SORCS2: variants seen among roughly 807,000 people sequenced by gnomAD.
SORCS2 encodes the protein VPS10 domain-containing receptor SorCS2.
SORCS2 carries 100 observed loss-of-function variants against 141.6 expected under a neutral mutation model. The ratio of observed to expected loss-of-function variants is 0.71; its 90% CI spans 0.60 to 0.83. The LOEUF (loss-of-function observed/expected upper bound fraction) is 0.83. SORCS2 is among the 40% of genes least tolerant of loss of function. The pLI is 0.00. For missense variants in SORCS2, 1,646 were observed against 1,560.2 expected (o/e 1.05, Z -0.93); for synonymous variants, 789 against 676.9 (o/e 1.17, Z -2.57).
intron 1 of SORCS2, among the ~76,000 whole-genome samples, chr4:7,325,686 C>T (rs1219549312): frequency 1.3e-5 from 2 of 152,218 alleles, no homozygotes; most frequent in Non-Finnish European, 2.9e-5. Context: ...CTTGGCAGGG[C>T]TTTTCCAGGC....
At chr4:7,475,296 G>A (rs143256539) in intron 2 of SORCS2, among the ~76,000 whole-genome samples, 141 of 152,294 alleles carry the variant, frequency 9.3e-4, no homozygotes, top group Middle Eastern at 6.8e-3. Context: ...GGACTATGGA[G>A]AGCTGGTCAT....
chr4:7,650,782 T>G lies in SORCS2; in HGVS notation c.814-3352T>G, dbSNP rs377584961. ...CCAGCCCAGCCCAGCCCAGCCTGCC[T>G]CCTCCATCAGCTGCACCTGTGAGGC... is the stretch of plus-strand genomic sequence containing the variant. On this transcript the variant is annotated intron_variant, in intron 4 of 26. Coordinates refer to ENST00000507866, the MANE Select transcript of SORCS2 (RefSeq NM_020777.3). 8.2e-4 allele frequency among the ~76,000 whole-genome samples: 78 copies of G among 95,664 alleles called. 1 individual carries two copies. In the East Asian group the frequency reaches 0.027, roughly 33 times the overall value. 62.8% of individuals were successfully genotyped at this position (95,664 alleles called of 152,430 possible).
chr4:7,571,217 C>A (rs1397004877), intron 3 of SORCS2, among the ~76,000 whole-genome samples: 4 of 152,194 alleles, frequency 2.6e-5, no homozygotes, highest in Admixed American at 2.6e-4. Context: ...GCGCATCGCC[C>A]CTGGGCCAAG....
intron 11 of SORCS2, among the ~76,000 whole-genome samples, chr4:7,690,436 G>A (rs1724162488): frequency 1.3e-5 from 2 of 151,140 alleles, no homozygotes; most frequent in Non-Finnish European, 3.0e-5. Flanking sequence ...GTGGGTGGGT[G>A]GATGGATGGA....
rs1404125379 is a variant in SORCS2 at position 7,740,072 on chromosome 4, A to G, written c.3416-128A>G. ...AGACCCCCTGCACCTGCACGGGCTG[A>G]AGGAAGCCAGGGAGGCCCACTGCAC... On this transcript the variant is annotated intron_variant, in intron 26 of 26. Transcript: ENST00000507866. 9.5e-6 allele frequency: 7 copies of G among 738,778 alleles called. No homozygotes were observed. In the Admixed American group the frequency reaches 1.5e-4, roughly 15 times the overall value. 45.8% of individuals were successfully genotyped at this position (738,778 alleles called of 1,614,324 possible).
At chr4:7,555,473 A>T (rs992973759) in intron 3 of SORCS2, among the ~76,000 whole-genome samples, 2 of 152,214 alleles carry the variant, frequency 1.3e-5, no homozygotes, top group African/African-American at 2.4e-5. Flanking sequence ...TCTGAGACAC[A>T]GCCCAGGCTG....
chr4:7,229,410 C>A (rs535534803), intron 1 of SORCS2, among the ~76,000 whole-genome samples: 1 of 152,214 alleles, frequency 6.6e-6, no homozygotes, highest in African/African-American at 2.4e-5. Context: ...AGGACTCCAT[C>A]CTCTTCCCTT....
chr4:7,632,287 C>CA (rs1719942611), intron 3 of SORCS2, among the ~76,000 whole-genome samples: 1 of 152,134 alleles, frequency 6.6e-6, no homozygotes. Context: ...TCTCTAATTT[C>CA]AAAAAACCAG....
At chr4:7,608,868 C>T (rs1439702033) in intron 3 of SORCS2, among the ~76,000 whole-genome samples, 1 of 152,076 alleles carries the variant, frequency 6.6e-6, no homozygotes, top group East Asian at 1.9e-4. Context: ...ACAGTCCTGC[C>T]CTCAGGGAGC....
At chr4:7,733,700 G>C (rs564957268) in intron 24 of SORCS2, among the ~76,000 whole-genome samples, 7 of 152,332 alleles carry the variant, frequency 4.6e-5, no homozygotes, top group African/African-American at 1.7e-4. Flanking sequence ...TCGGCTGTCA[G>C]TCATCCTTTC....
In SORCS2 at chr4:7,330,188, G is replaced by A. The variant is rs1407884099; in HGVS notation, c.481-66100G>A. On this transcript the variant is annotated intron_variant, in intron 1 of 26. Coordinates refer to ENST00000507866, the MANE Select transcript of SORCS2 (RefSeq NM_020777.3). Reference sequence around the variant, plus strand: ...TCTTCCTCCTGCTCTACAGGGACACGTGTGATTGCATTAGGGCCATCTGGA... The same window carrying A: ...TCTTCCTCCTGCTCTACAGGGACACATGTGATTGCATTAGGGCCATCTGGA... 5.9e-5 allele frequency among the ~76,000 whole-genome samples: 9 copies of A among 151,774 alleles called. No homozygotes were observed. In the South Asian group the frequency reaches 6.3e-4, roughly 11 times the overall value.
chr4:7,485,644 G>T (rs1304359873), intron 2 of SORCS2, among the ~76,000 whole-genome samples: 1 of 152,270 alleles, frequency 6.6e-6, no homozygotes, highest in African/African-American at 2.4e-5. Context: ...GGTGGCTTCA[G>T]GTTGTACCGG....
intron 4 of SORCS2, among the ~76,000 whole-genome samples, chr4:7,651,507 G>C (rs1721448850): frequency 1.3e-5 from 2 of 152,204 alleles, no homozygotes; most frequent in African/African-American, 4.8e-5. Context: ...GTGGACAGAG[G>C]CTTTTCCCAG....
chr4:7,288,522 A>G (rs1343731684), intron 1 of SORCS2, among the ~76,000 whole-genome samples: 7 of 112,132 alleles, frequency 6.2e-5, no homozygotes, highest in African/African-American at 2.4e-4. Context: ...TGGCTTGTAG[A>G]TGGGATGGCA....
At chr4:7,540,059 G>A (rs185521170) in intron 3 of SORCS2, among the ~76,000 whole-genome samples, 57 of 89,904 alleles carry the variant, frequency 6.3e-4, no homozygotes, top group Admixed American at 9.8e-4. Flanking sequence ...CCTGCCTGTC[G>A]TGGAGGCCCC....
At chr4:7,207,834 A>G (rs1487385079) in intron 1 of SORCS2, among the ~76,000 whole-genome samples, 1 of 152,202 alleles carries the variant, frequency 6.6e-6, no homozygotes, top group Admixed American at 6.5e-5. Flanking sequence ...TCTCGTTGAC[A>G]TCTGGTTTTT....
chr4:7,427,609 A>G (rs1726537943), intron 2 of SORCS2, among the ~76,000 whole-genome samples: 1 of 152,056 alleles, frequency 6.6e-6, no homozygotes, highest in Admixed American at 6.5e-5. Flanking sequence ...TCTGGGTTTC[A>G]TTGGTTATGC....
At chr4:7,411,465 A>C (rs149145124) in intron 2 of SORCS2, among the ~76,000 whole-genome samples, 4 of 149,774 alleles carry the variant, frequency 2.7e-5, no homozygotes, top group Admixed American at 1.3e-4. Flanking sequence ...CCTTCCTTCC[A>C]TTCCTCTATC....
At chr4:7,451,634 G>C (rs777374194) in intron 2 of SORCS2, among the ~76,000 whole-genome samples, 16 of 152,266 alleles carry the variant, frequency 1.1e-4, no homozygotes, top group Admixed American at 2.6e-4. Flanking sequence ...CATGCAGTCT[G>C]CCCATGGGCA....
Sources: gnomAD v4.1 joint callset for allele counts (sites outside exome capture counted in the v4.1 genomes callset) on GRCh38, gnomAD v4.1.1 for gene constraint, MANE v1.5 for transcripts, NCBI Gene and HGNC (gene_info 2026-07-23, HGNC 2026-07-21) for gene names.